NUP210: variants seen among roughly 807,000 people sequenced by gnomAD.
NUP210 encodes nucleoporin 210.
Under a neutral mutation model 196.0 loss-of-function variants are expected in NUP210, and 151 were observed. The observed-to-expected ratio is 0.77, with a 90% confidence interval of 0.67 to 0.88. The LOEUF (loss-of-function observed/expected upper bound fraction) is 0.88. Ranked by LOEUF, NUP210 falls within the 40% of genes least tolerant of loss-of-function variation. NUP210 has a pLI of 0.00. For synonymous variants in NUP210, 1,070 were observed against 1,052.7 expected (o/e 1.02, Z -0.32); for missense variants, 2,314 against 2,493.7 (o/e 0.93, Z 1.53).
intron 33 of NUP210, among the ~76,000 whole-genome samples, chr3:13,324,997 C>T (rs1354177817): frequency 6.6e-6 from 1 of 152,190 alleles, no homozygotes; most frequent in African/African-American, 2.4e-5. Flanking sequence ...CTCGCAGTGG[C>T]CAAGCTGGGA....
At chr3:13,318,105 C>T (rs140923853) in intron 39 of NUP210, among the ~76,000 whole-genome samples, 17 of 152,304 alleles carry the variant, frequency 1.1e-4, no homozygotes, top group African/African-American at 3.6e-4. Context: ...AATGCAGCCT[C>T]GGGCAAGAGC....
chr3:13,319,628 G>T, intron 37 of NUP210, 135 bp downstream of exon 37: 1 of 769,492 alleles, frequency 1.3e-6, no homozygotes, highest in South Asian at 1.7e-5. Flanking sequence ...AATGAGCAGC[G>T]ATCACTTTGA....
At chr3:13,389,230 TG>T (rs1490309128) in intron 4 of NUP210, among the ~76,000 whole-genome samples, 2 of 152,248 alleles carry the variant, frequency 1.3e-5, no homozygotes, top group Non-Finnish European at 2.9e-5. Context: ...CCTTGGCATC[TG>T]GGATTTCTGT....
chr3:13,364,273 C>T (rs1698459999), intron 14 of NUP210, among the ~76,000 whole-genome samples: 1 of 152,128 alleles, frequency 6.6e-6, no homozygotes, highest in Admixed American at 6.5e-5. Flanking sequence ...GAAGGGATTG[C>T]ACAAGTAGGT....
intron 20 of NUP210, chr3:13,345,125 A>T: frequency 3.1e-5 from 31 of 985,472 alleles, no homozygotes; most frequent in Non-Finnish European, 3.7e-5. Flanking sequence ...ATGAAGATCC[A>T]GGGCCGCTGC....
chr3:13,406,108 G>T (rs1330685915), intron 1 of NUP210, among the ~76,000 whole-genome samples: 1 of 152,168 alleles, frequency 6.6e-6, no homozygotes, highest in African/African-American at 2.4e-5. Flanking sequence ...AAAAGCAGCA[G>T]CATTTTAATG....
intron 28 of NUP210, 72 bp from the exon 29 acceptor site, chr3:13,332,456 C>T: frequency 8.3e-7 from 1 of 1,204,110 alleles, no homozygotes; most frequent in South Asian, 1.2e-5. Context: ...CTGCTTCTCT[C>T]CTAGCAGCAA....
chr3:13,354,805 C>T (rs902402396), intron 16 of NUP210: 1 of 152,328 alleles, frequency 6.6e-6, no homozygotes, highest in South Asian at 2.1e-4. Context: ...GAAAGGAGCT[C>T]ATCCAAGGAG....
Position 13,373,812 on chromosome 3 carries a change from G to T in NUP210, c.1493C>A (p.Thr498Asn). Residue 498 changes from threonine (T) to asparagine (N), a missense_variant, in exon 12 of 40, where the codon ACT becomes AAT. Transcript: ENST00000254508. ...SSSSHLVATVTVKGVMTTGSD... is the reference protein window; with the variant it reads ...SSSSHLVATVNVKGVMTTGSD... Reference sequence around the variant, plus strand: ...GCCTGTGGTCATCACGCCCTTGACAGTAACTGTGGCAACCAGGTGGCTTGA... The same window carrying T: ...GCCTGTGGTCATCACGCCCTTGACATTAACTGTGGCAACCAGGTGGCTTGA... The T allele has an allele frequency of 1.2e-6, 2 of 1,614,148 alleles. No individual in the cohort carries two copies. The highest frequency in any genetic ancestry group is 3.3e-4 in the Middle Eastern group (2 of 6,060).
At chr3:13,351,683 G>A (rs1697978169) in intron 20 of NUP210, 196 bp downstream of exon 20, 2 of 541,258 alleles carry the variant, frequency 3.7e-6, no homozygotes, top group Non-Finnish European at 6.6e-6. Flanking sequence ...TTTTTGTAGA[G>A]ATGGGGGTCT....
At chr3:13,342,887 C>A (rs1697569804) in intron 21 of NUP210, among the ~76,000 whole-genome samples, 2 of 152,296 alleles carry the variant, frequency 1.3e-5, no homozygotes, top group Admixed American at 6.5e-5. Flanking sequence ...TAACCTACAC[C>A]AGCCAGAAGA....
At chr3:13,383,885 CA>C (rs1250984708) in intron 6 of NUP210, among the ~76,000 whole-genome samples, 1 of 152,052 alleles carries the variant, frequency 6.6e-6, no homozygotes, top group Non-Finnish European at 1.5e-5. Context: ...TCTGCTTGCC[CA>C]GCTGGGGCAG....
rs149854956 is a variant in NUP210, at chr3:13,332,883, G to A, written c.3844-499C>T. ...ACTTTACCTGCCAGGATGTGAGCGC[G>A]GAGGGCAGCACACACAACTCCAGCA... On this transcript the variant is annotated intron_variant, in intron 28 of 39. Coordinates refer to ENST00000254508, the MANE Select transcript of NUP210 (RefSeq NM_024923.4). Among the ~76,000 whole-genome samples the A allele has an allele frequency of 1.5e-4, 23 of 152,370 alleles. No individual in the cohort carries two copies. The South Asian group carries it at 2.5e-3, about 16-fold the overall frequency.
chr3:13,326,023 C>A lies in NUP210; in HGVS notation c.4508-92G>T, dbSNP rs890810634. On this transcript the variant is annotated intron_variant, in intron 32 of 39. Transcript: ENST00000254508. ...CCTGGATGACAGGCCAGCTTCCTCG[C>A]TGGCTGCCGCTACCCCCATGGGGGC... 9.3e-6 allele frequency: 14 copies of A among 1,504,148 alleles called. No individual in the cohort carries two copies. In the African/African-American group the frequency reaches 1.1e-4, roughly 12 times the overall value. The allele number at this position is 1,504,148 out of a possible 1,614,324, so 93.2% of individuals were successfully genotyped here.
At chr3:13,334,568 C>T (rs1199004435) in intron 28 of NUP210, among the ~76,000 whole-genome samples, 1 of 152,086 alleles carries the variant, frequency 6.6e-6, no homozygotes, top group Non-Finnish European at 1.5e-5. Context: ...CTTCTTGAGG[C>T]GGGGACTAGA....
chr3:13,332,970 T>C (rs1184877578), intron 28 of NUP210, among the ~76,000 whole-genome samples: 1 of 152,150 alleles, frequency 6.6e-6, no homozygotes, highest in Non-Finnish European at 1.5e-5. Context: ...ACCGAACTGC[T>C]CCCTTCTCTC....
Position 13,339,866 on chromosome 3 carries a change from G to T in NUP210, c.3459C>A (p.Val1153=). 1 of 1,613,358 alleles carries T rather than the reference G, an allele frequency of 6.2e-7. No homozygotes were observed. Among genetic ancestry groups the T allele is most frequent in the South Asian group, 1.1e-5 (1 of 91,060 alleles). ...GCACGCCTGTTACCTGAGAGATGATGACCACCTTGCCGGTCTCTGCATCCA... is the reference window on the plus strand; with the variant it reads ...GCACGCCTGTTACCTGAGAGATGATTACCACCTTGCCGGTCTCTGCATCCA... ...QAVDAETGKV[V]IISQDLVQVE... is the part of the protein sequence containing the mutation. Residue 1153 remains valine (V), a synonymous_variant, in exon 25 of 40, where the codon GTC becomes GTA. Coordinates refer to ENST00000254508, the MANE Select transcript of NUP210 (RefSeq NM_024923.4).
intron 1 of NUP210, among the ~76,000 whole-genome samples, chr3:13,408,546 T>C (rs184460573): frequency 6.6e-4 from 101 of 152,288 alleles, no homozygotes; most frequent in African/African-American, 2.4e-3. Flanking sequence ...TCCCAGCACT[T>C]TGGGATGCCA....
chr3:13,343,143 C>A, intron 21 of NUP210, 32 bp downstream of exon 21: 1 of 1,612,366 alleles, frequency 6.2e-7, no homozygotes, highest in Non-Finnish European at 8.5e-7. Flanking sequence ...GCAGGTCAGC[C>A]GAGGGTGCCC....
Sources: gnomAD v4.1 joint callset for allele counts (sites outside exome capture counted in the v4.1 genomes callset) on GRCh38, gnomAD v4.1.1 for gene constraint, MANE v1.5 for transcripts, NCBI Gene and HGNC (gene_info 2026-07-23, HGNC 2026-07-21) for gene names.